Variants in ZNF473 observed in about 807,000 individuals in gnomAD.
The protein encoded by ZNF473 is zinc finger protein 473.
In ZNF473, 4 loss-of-function variants were observed where a neutral mutation model predicts 11.1. That is an observed-to-expected ratio of 0.36 (90% CI 0.18 to 0.82). The LOEUF is 0.82. ZNF473 is among the 40% of genes least tolerant of loss of function. The pLI is 0.49. For synonymous variants in ZNF473, 404 were observed against 390.4 expected (o/e 1.03, Z -0.41); for missense variants, 854 against 1,084.0 (o/e 0.79, Z 2.98).
chr19:50,040,098 C>G (rs143671882), intron 3 of ZNF473, among the ~76,000 whole-genome samples: 127 of 152,288 alleles, frequency 8.3e-4, no homozygotes, highest in African/African-American at 2.9e-3. Context: ...CCCACAGATT[C>G]AGTGATTGGC....
At position 50,039,939 on chromosome 19, in the gene ZNF473, G is replaced by A. The variant is rs77707881; in HGVS notation, c.136+652G>A. On this transcript the variant is annotated intron_variant, in intron 3 of 4. Transcript: ENST00000270617. The surrounding 1 kb of genome is among the most constrained non-coding windows in gnomAD (Gnocchi z 4.8). ...AGCAGACAGCTCTAAACTAATGAAT[G>A]ATTGAGTAGCAGCTCTTAGGACTTG... Among the ~76,000 whole-genome samples the A allele has an allele frequency of 2.0e-3, 300 of 152,322 alleles. 7 individuals carry two copies. The East Asian group carries it at 0.053, about 27-fold the overall frequency.
chr19:50,031,952 C>G (rs151337071), intron 2 of ZNF473, among the ~76,000 whole-genome samples: 1 of 151,992 alleles, frequency 6.6e-6, no homozygotes, highest in Non-Finnish European at 1.5e-5. Flanking sequence ...ACACAGTCCC[C>G]GATACCTCCC....
At chr19:50,029,700 A>G (rs1028307093) in intron 1 of ZNF473, among the ~76,000 whole-genome samples, 11 of 152,250 alleles carry the variant, frequency 7.2e-5, no homozygotes, top group African/African-American at 2.7e-4. Context: ...GGTCATGAAA[A>G]TAACTAGGTG....
rs546770519 is a variant in ZNF473, at chr19:50,034,711, A to G, written c.9+3620A>G. Reference sequence around the variant, plus strand: ...TTCTGTTCTCAGCTGTTAGTTAGAGAACAGTTATTCGGTCCTTTGAGGAAC... The same window carrying G: ...TTCTGTTCTCAGCTGTTAGTTAGAGGACAGTTATTCGGTCCTTTGAGGAAC... On this transcript the variant is annotated intron_variant, in intron 2 of 4. Coordinates refer to ENST00000270617, the MANE Select transcript of ZNF473 (RefSeq NM_015428.4). Among the ~76,000 whole-genome samples the G allele has an allele frequency of 9.8e-3, 1,490 of 152,172 alleles. 25 individuals are homozygous for G. The highest frequency in any genetic ancestry group is 0.034 in the African/African-American group (1,410 of 41,498).
intron 4 of ZNF473, among the ~76,000 whole-genome samples, chr19:50,043,865 A>C (rs1347750158): frequency 6.6e-6 from 1 of 152,058 alleles, no homozygotes; most frequent in African/African-American, 2.4e-5. Flanking sequence ...TGGGTATTAA[A>C]AGACTTAGAG....
intron 1 of ZNF473, 122 bp from the exon 2 acceptor site, chr19:50,030,770 A>G: frequency 6.4e-6 from 3 of 468,264 alleles, no homozygotes; most frequent in East Asian, 8.0e-5. Flanking sequence ...ACATGTGCTG[A>G]CTGACTGTTA....
chr19:50,041,665 C>T (rs1023377173), intron 3 of ZNF473, 65 bp from the exon 4 acceptor site: 53 of 1,402,214 alleles, frequency 3.8e-5, no homozygotes, highest in Non-Finnish European at 5.0e-5. Flanking sequence ...CCAGGAGGTT[C>T]TCACTGAGTG....
In ZNF473 at chr19:50,044,853, T is replaced by C. The variant is rs773506778; in HGVS notation, c.410T>C (p.Ile137Thr). 1.9e-6 allele frequency: 3 copies of C among 1,614,202 alleles called. No individual in the cohort carries two copies. The highest frequency in any genetic ancestry group is 2.2e-5 in the East Asian group (1 of 44,884). ...CCAGAAAGTCTTCTGAGGTCTGATA[T>C]TGCCACCAACGGGGAAAGTCCCACG... ...GDPESLLRSDIATNGESPTEC... is the reference protein window; with the variant it reads ...GDPESLLRSDTATNGESPTEC... Residue 137 changes from isoleucine to threonine, a missense_variant, in exon 5 of 5, where the codon ATT (isoleucine) becomes ACT (threonine). This residue lies in a region of ZNF473 where 668 missense variants were observed against 790.2 expected (regional missense o/e 0.85). Transcript: ENST00000270617.
intron 1 of ZNF473, among the ~76,000 whole-genome samples, chr19:50,027,497 G>C (rs1344454475): frequency 6.6e-6 from 1 of 152,106 alleles, no homozygotes; most frequent in Non-Finnish European, 1.5e-5. Context: ...GGATGACCTT[G>C]GGCTCCACCT....
rs867672813 is a variant in ZNF473 at position 50,039,143 on chromosome 19, T to C, written c.10-18T>C. The C allele has an allele frequency of 1.9e-6, 3 of 1,613,552 alleles. No homozygotes were observed. In the Middle Eastern group the frequency reaches 5.0e-4, roughly 266 times the overall value. On this transcript the variant is annotated intron_variant, in intron 2 of 4. Transcript: ENST00000270617. This position sits in a 1 kb window ranked among gnomAD's most constrained non-coding sequence, Gnocchi z 4.8. ...CTGACCCCAGCCTCTGAGTGACCAA[T>C]AGTGTACTGTGTTTCAGGAATTTGT...
At chr19:50,038,775 G>A (rs1301266370) in intron 2 of ZNF473, among the ~76,000 whole-genome samples, 1 of 152,226 alleles carries the variant, frequency 6.6e-6, no homozygotes, top group Non-Finnish European at 1.5e-5. Context: ...GGTGAAATCA[G>A]ATGACCCCTG....
In ZNF473 at chr19:50,039,402, C is replaced by T. The variant is rs937229521; in HGVS notation, c.136+115C>T. The T allele has an allele frequency of 5.8e-6, 8 of 1,384,466 alleles. No individual in the cohort carries two copies. The highest frequency in any genetic ancestry group is 7.9e-6 in the Non-Finnish European group (8 of 1,015,054). 85.8% of individuals were successfully genotyped at this position (1,384,466 alleles called of 1,614,324 possible). A position where few individuals can be genotyped will look rare whatever the true frequency, so the allele number is the denominator to read the frequency against. On this transcript the variant is annotated intron_variant, in intron 3 of 4. Transcript: ENST00000270617. The surrounding 1 kb of genome is among the most constrained non-coding windows in gnomAD (Gnocchi z 4.8). Reference sequence around the variant, plus strand: ...CCTGGGCTCCTCAGAATCAGCATGACCTAGCCCAGCAGTTCTCAGCTGGCC... The same window carrying T: ...CCTGGGCTCCTCAGAATCAGCATGATCTAGCCCAGCAGTTCTCAGCTGGCC...
Position 50,030,946 on chromosome 19 carries a change from A to G in ZNF473, c.-137A>G. 1 of 1,305,320 alleles carries G rather than the reference A, an allele frequency of 7.7e-7. No homozygotes were observed. Among genetic ancestry groups the G allele is most frequent in the Non-Finnish European group, 1.1e-6 (1 of 926,408 alleles). 80.9% of individuals were successfully genotyped at this position (1,305,320 alleles called of 1,614,324 possible). Reference sequence around the variant, plus strand: ...CTCCTGGACATTTTGGGGGCTCGTCAGCATGGACAGCGAGTCAGCCATGGG... The same window carrying G: ...CTCCTGGACATTTTGGGGGCTCGTCGGCATGGACAGCGAGTCAGCCATGGG... On this transcript the variant is annotated 5_prime_UTR_variant, in exon 2 of 5. Transcript: ENST00000270617.
chr19:50,045,124 C>T lies in ZNF473; in HGVS notation c.681C>T (p.His227=). The change falls in exon 5 of 5, where the codon CAC becomes CAT. Residue 227 remains histidine (H), a synonymous_variant. Coordinates refer to ENST00000270617, the MANE Select transcript of ZNF473 (RefSeq NM_015428.4). ...GTGGGAGTTACCGTCTTACCCAGCACTGGATCACTCATACTAGGGAGAAAC... is the reference window on the plus strand; with the variant it reads ...GTGGGAGTTACCGTCTTACCCAGCATTGGATCACTCATACTAGGGAGAAAC... ...SFSGSYRLTQ[H]WITHTREKPT... is the part of the protein sequence containing the mutation. The T allele has an allele frequency of 3.7e-6, 6 of 1,614,218 alleles. No homozygotes were observed. Among genetic ancestry groups the T allele is most frequent in the Non-Finnish European group, 5.1e-6 (6 of 1,180,050 alleles).
chr19:50,044,615 C>T (rs1298970056), intron 4 of ZNF473, 55 bp from the exon 5 acceptor site: 3 of 1,441,742 alleles, frequency 2.1e-6, no homozygotes, highest in Non-Finnish European at 2.8e-6. Flanking sequence ...CCTACTTGCT[C>T]TTGTCTGTGT....
chr19:50,036,487 T>A (rs1369396223), intron 2 of ZNF473, among the ~76,000 whole-genome samples: 1 of 151,346 alleles, frequency 6.6e-6, no homozygotes, highest in East Asian at 1.9e-4. Flanking sequence ...CTAATTTTTT[T>A]TTTTTTTTTT....
At chr19:50,032,384 C>T (rs2077322906) in intron 2 of ZNF473, among the ~76,000 whole-genome samples, 1 of 151,930 alleles carries the variant, frequency 6.6e-6, no homozygotes, top group South Asian at 2.1e-4. Context: ...GTAGGGCTGT[C>T]ATGATCTGCA....
At chr19:50,028,435 C>T (rs1005757196) in intron 1 of ZNF473, among the ~76,000 whole-genome samples, 3 of 151,982 alleles carry the variant, frequency 2.0e-5, no homozygotes, top group Non-Finnish European at 2.9e-5. Context: ...CCTACCTCAG[C>T]CTCCCAAGCG....
rs1341523423 is a variant in ZNF473, at chr19:50,046,800, A to G, written c.2357A>G (p.Tyr786Cys). Residue 786 changes from tyrosine to cysteine, a missense_variant, in exon 5 of 5, where the codon TAC (tyrosine) becomes TGC (cysteine). Coordinates refer to ENST00000270617, the MANE Select transcript of ZNF473 (RefSeq NM_015428.4). This position sits in a 1 kb window ranked among gnomAD's most constrained non-coding sequence, Gnocchi z 5.9. ...AGAGTTCACACTGGGGAGAAGCCCT[A>G]CAGATGTGGTGAATGTGGGAAAGCC... Reference protein sequence around the residue: ...HRRVHTGEKPYRCGECGKAFA... With the variant: ...HRRVHTGEKPCRCGECGKAFA... 1 of 1,614,034 alleles carries G rather than the reference A, an allele frequency of 6.2e-7. No homozygotes were observed. Among genetic ancestry groups the G allele is most frequent in the African/African-American group, 1.3e-5 (1 of 74,914 alleles).
Sources: gnomAD v4.1 joint callset for allele counts (sites outside exome capture counted in the v4.1 genomes callset) on GRCh38, gnomAD v4.1.1 for gene constraint, gnomAD v4.1.1 regional missense constraint, Gnocchi (gnomAD v3.1) non-coding constraint, MANE v1.5 for transcripts, NCBI Gene and HGNC (gene_info 2026-07-23, HGNC 2026-07-21) for gene names.